The following MAGI1 variants were observed in gnomAD, a reference collection of about 807,000 sequenced individuals.
MAGI1 encodes the protein membrane-associated guanylate kinase, WW and PDZ domain-containing protein 1.
Under a neutral mutation model 139.9 loss-of-function variants are expected in MAGI1, and 58 were observed. The observed-to-expected ratio is 0.41, with a 90% CI of 0.34 to 0.52. The LOEUF (loss-of-function observed/expected upper bound fraction) is 0.52. Ranked by LOEUF, MAGI1 falls within the 20% of genes least tolerant of loss-of-function variation. The pLI, the probability that MAGI1 is intolerant of heterozygous loss-of-function variation, is 0.12. For missense variants in MAGI1, 1,874 were observed against 1,901.6 expected, an observed-to-expected ratio of 0.99 and a Z score of 0.27; for synonymous variants, 812 against 737.9, an observed-to-expected ratio of 1.10 and a Z score of -1.63.
chr3:65,376,092 G>A (rs1010934821), intron 17 of MAGI1, 147 bp from the exon 18 acceptor site: 6 of 632,012 alleles, frequency 9.5e-6, no homozygotes, highest in Non-Finnish European at 1.1e-5. Flanking sequence ...GCTCTGCACC[G>A]ATGGTCAAAA....
At chr3:65,910,855 C>CTATTTTTTTTT (rs2061633356) in intron 1 of MAGI1, among the ~76,000 whole-genome samples, 1 of 59,484 alleles carries the variant, frequency 1.7e-5, no homozygotes, top group African/African-American at 7.9e-5. Context: ...ACATGGTGGA[C>CTATTTTTTTTT]TTTTTTTTTT....
Position 65,361,225 on chromosome 3 carries a change from C to T in MAGI1, c.3608G>A (p.Arg1203Gln), listed in dbSNP as rs202003931. Residue 1203 changes from arginine (R) to glutamine (Q), a missense_variant, in exon 22 of 23, where the codon CGG becomes CAG. Transcript: ENST00000402939. ...GGRRVRLFLK[R>Q]GDGSVPEYDP... is the part of the protein sequence containing the mutation. ...ATATTCTGGTACTGAGCCGTCTCCC[C>T]GCTTCAGAAACAGACGAACTCTGCG... 51 of 1,614,092 alleles carry T rather than the reference C, an allele frequency of 3.2e-5. No individual in the cohort carries two copies. The highest frequency in any genetic ancestry group is 2.1e-4 in the South Asian group (19 of 91,068).
intron 17 of MAGI1, among the ~76,000 whole-genome samples, chr3:65,378,689 T>C (rs1215764199): frequency 6.6e-6 from 1 of 151,752 alleles, no homozygotes; most frequent in African/African-American, 2.4e-5. Context: ...TTTTCTTTTT[T>C]TTTTTTTTTT....
At position 65,876,493 on chromosome 3, in the gene MAGI1, A is replaced by C. The variant is rs116704477; in HGVS notation, c.313+161503T>G. On this transcript the variant is annotated intron_variant, in intron 1 of 22. Transcript: ENST00000402939. ...CGGAGTAAAACAAAATTAAATCCTC[A>C]ACTTCTTTACCAGGGATAACAGAAA... Among the ~76,000 whole-genome samples the C allele has an allele frequency of 2.8e-3, 428 of 152,298 alleles. 4 individuals are homozygous for C. The highest frequency in any genetic ancestry group is 0.01 in the African/African-American group (419 of 41,584).
At chr3:65,714,820 A>G (rs992161502) in intron 1 of MAGI1, among the ~76,000 whole-genome samples, 2 of 152,048 alleles carry the variant, frequency 1.3e-5, no homozygotes, top group Non-Finnish European at 2.9e-5. Context: ...CACAACACCA[A>G]TTTAAATCAT....
chr3:65,865,534 GCACTGAGCCAAGAT>G (rs2059694195), intron 1 of MAGI1, among the ~76,000 whole-genome samples: 1 of 152,142 alleles, frequency 6.6e-6, no homozygotes, highest in African/African-American at 2.4e-5. Flanking sequence ...GGCAGAGGTT[GCACTGAGCCAAGAT>G]CACACCACTG....
chr3:65,880,200 C>A (rs2060268485), intron 1 of MAGI1, among the ~76,000 whole-genome samples: 1 of 152,054 alleles, frequency 6.6e-6, no homozygotes, highest in Non-Finnish European at 1.5e-5. Flanking sequence ...TGAGATTGCA[C>A]CACTGCACTC....
At chr3:65,499,060 T>TAAAAAAA (rs60116533) in intron 2 of MAGI1, 1 of 775,668 alleles carries the variant, frequency 1.3e-6, no homozygotes, top group African/African-American at 2.0e-5. Flanking sequence ...AAACCGCTCT[T>TAAAAAAA]AAAAAAAAAA....
At chr3:65,407,832 C>T (rs943450857) in intron 12 of MAGI1, among the ~76,000 whole-genome samples, 3 of 152,180 alleles carry the variant, frequency 2.0e-5, no homozygotes, top group Admixed American at 6.5e-5. Flanking sequence ...ATCAGTACTG[C>T]AGCCAATATG....
chr3:65,363,318 T>G (rs750105988), intron 21 of MAGI1, 147 bp downstream of exon 21: 2 of 898,912 alleles, frequency 2.2e-6, no homozygotes, highest in Non-Finnish European at 3.2e-6. Context: ...CAGAAATATT[T>G]GGTAGGGTAG....
chr3:65,737,164 T>C (rs759419712), intron 1 of MAGI1, among the ~76,000 whole-genome samples: 12 of 152,124 alleles, frequency 7.9e-5, no homozygotes, highest in East Asian at 1.9e-4. Context: ...CCACCACGCC[T>C]GGCTAATTTT....
chr3:65,559,775 G>A (rs77674456), intron 2 of MAGI1, among the ~76,000 whole-genome samples: 3,303 of 152,262 alleles, frequency 0.022, 115 homozygotes, highest in African/African-American at 0.074. Context: ...GGTGGCTCAC[G>A]CCTGTAATAC....
chr3:65,961,023 T>C (rs887213019), intron 1 of MAGI1, among the ~76,000 whole-genome samples: 14 of 152,140 alleles, frequency 9.2e-5, no homozygotes, highest in African/African-American at 2.4e-4. Context: ...CCTGCAAAAA[T>C]TGATATGCCA....
intron 18 of MAGI1, among the ~76,000 whole-genome samples, chr3:65,369,409 T>C (rs1400492394): frequency 2.6e-5 from 4 of 151,968 alleles, no homozygotes; most frequent in Non-Finnish European, 5.9e-5. Flanking sequence ...GAACTAGACA[T>C]GGAAATGGAC....
intron 1 of MAGI1, among the ~76,000 whole-genome samples, chr3:65,761,784 C>T (rs917963133): frequency 6.6e-6 from 1 of 152,180 alleles, no homozygotes; most frequent in African/African-American, 2.4e-5. Flanking sequence ...CTCAGTACCA[C>T]TCACTAGGGA....
intron 13 of MAGI1, among the ~76,000 whole-genome samples, chr3:65,400,692 T>C (rs1411224761): frequency 6.9e-6 from 1 of 145,866 alleles, no homozygotes; most frequent in African/African-American, 2.5e-5. Context: ...TTAGCTAACA[T>C]GTCAACTAGG....
intron 2 of MAGI1, among the ~76,000 whole-genome samples, chr3:65,587,305 G>T (rs1339839024): frequency 6.6e-6 from 1 of 152,026 alleles, no homozygotes; most frequent in Non-Finnish European, 1.5e-5. Context: ...CTAGAGCTGG[G>T]CAAAATCATC....
chr3:65,420,219 C>T (rs1946543767), intron 12 of MAGI1, among the ~76,000 whole-genome samples: 1 of 152,154 alleles, frequency 6.6e-6, no homozygotes, highest in African/African-American at 2.4e-5. Context: ...TCCTGGCCTC[C>T]AGTCTCTGAC....
At chr3:65,699,627 A>T (rs1576790198) in intron 1 of MAGI1, among the ~76,000 whole-genome samples, 1 of 149,554 alleles carries the variant, frequency 6.7e-6, no homozygotes, top group Middle Eastern at 3.4e-3. Context: ...TATCGCAACA[A>T]CAAAAAACCA....
Sources: allele counts gnomAD v4.1 joint callset (sites outside exome capture counted in the v4.1 genomes callset), GRCh38; gene constraint gnomAD v4.1.1; transcripts MANE v1.5; gene names NCBI Gene and HGNC (gene_info 2026-07-23, HGNC 2026-07-21).